Variants in PCDHA11 observed in about 807,000 individuals in gnomAD.
PCDHA11 encodes protocadherin alpha 11.
A neutral mutation model predicts 70.3 loss-of-function variants in PCDHA11; 61 were observed. The ratio of observed to expected loss-of-function variants is 0.87; its 90% CI spans 0.71 to 1.07. The LOEUF is 1.07. Among genes scored for constraint, PCDHA11 ranks in the 50% least tolerant of loss-of-function variants. The pLI is 0.00. For synonymous variants in PCDHA11, 633 were observed against 555.1 expected, an observed-to-expected ratio of 1.14 and a Z score of -1.97; for missense variants, 1,324 against 1,237.5, an observed-to-expected ratio of 1.07 and a Z score of -1.05.
At chr5:140,914,488 G>T (rs1437401245) in intron 1 of PCDHA11, among the ~76,000 whole-genome samples, 1 of 152,080 alleles carries the variant, frequency 6.6e-6, no homozygotes, top group Non-Finnish European at 1.5e-5. Flanking sequence ...AGTGTTTCTT[G>T]TGGGCAACAG....
chr5:140,916,143 T>C (rs1237563249), intron 1 of PCDHA11, among the ~76,000 whole-genome samples: 3 of 152,012 alleles, frequency 2.0e-5, no homozygotes, highest in African/African-American at 7.2e-5. Flanking sequence ...GCTGTTCAGT[T>C]GTGTTGTGGT....
chr5:140,969,225 C>G (rs782766938), intron 1 of PCDHA11: 13 of 1,614,118 alleles, frequency 8.1e-6, no homozygotes, highest in Admixed American at 1.7e-5. Flanking sequence ...CCAGGGCCTT[C>G]GGGAGCCCAA....
chr5:140,978,978 C>T lies in PCDHA11; in HGVS notation c.2421C>T (p.Tyr807=). Residue 807 remains tyrosine (Y), a synonymous_variant, in exon 2 of 4, where the codon TAC becomes TAT. Coordinates refer to ENST00000398640, the MANE Select transcript of PCDHA11 (RefSeq NM_018902.5). ...QPRQPNPDWR[Y]SASLRAGMHS... ...GACAGCCCAACCCTGACTGGCGTTA[C>T]TCTGCCTCCCTGAGAGCAGGCATGC... 1 of 1,614,204 alleles carries T rather than the reference C, an allele frequency of 6.2e-7. No homozygotes were observed. The highest frequency in any genetic ancestry group is 8.5e-7 in the Non-Finnish European group (1 of 1,180,030).
intron 1 of PCDHA11, among the ~76,000 whole-genome samples, chr5:140,946,909 C>G (rs1290458457): frequency 6.6e-6 from 1 of 151,234 alleles, no homozygotes; most frequent in Non-Finnish European, 1.5e-5. Flanking sequence ...AGAATAAGTT[C>G]TGGTGTTTTA....
intron 1 of PCDHA11, chr5:140,968,722 T>A (rs1379540261): frequency 6.2e-7 from 1 of 1,613,728 alleles, no homozygotes; most frequent in Non-Finnish European, 8.5e-7. Context: ...GAGATGAGAG[T>A]GGTAGCACTT....
chr5:140,955,156 G>A (rs556311036), intron 1 of PCDHA11, among the ~76,000 whole-genome samples: 25 of 152,262 alleles, frequency 1.6e-4, no homozygotes, highest in East Asian at 3.9e-4. Context: ...TACCAGTACC[G>A]TGCTGTTTTG....
chr5:140,989,242 C>T (rs562894633), intron 3 of PCDHA11, among the ~76,000 whole-genome samples: 5 of 152,226 alleles, frequency 3.3e-5, no homozygotes, highest in African/African-American at 1.2e-4. Flanking sequence ...GTTTTAAGCC[C>T]CTTGTCAAAA....
intron 1 of PCDHA11, among the ~76,000 whole-genome samples, chr5:140,961,831 T>G (rs1447917023): frequency 6.6e-6 from 1 of 152,194 alleles, no homozygotes; most frequent in African/African-American, 2.4e-5. Flanking sequence ...TGTAAGTTAT[T>G]TCAGTGCCTT....
chr5:141,004,092 C>T (rs1245515449), intron 3 of PCDHA11, among the ~76,000 whole-genome samples: 1 of 152,198 alleles, frequency 6.6e-6, no homozygotes, highest in Non-Finnish European at 1.5e-5. Context: ...TGTGCTTCTT[C>T]CGTTTTCATC....
At chr5:140,914,962 T>C (rs1301307235) in intron 1 of PCDHA11, among the ~76,000 whole-genome samples, 2 of 136,964 alleles carry the variant, frequency 1.5e-5, no homozygotes, top group Non-Finnish European at 3.2e-5. Flanking sequence ...TTTTTTTTTT[T>C]CTGAGTCAGA....
intron 1 of PCDHA11, among the ~76,000 whole-genome samples, chr5:140,930,773 TA>T (rs1192170091): frequency 6.6e-6 from 1 of 152,226 alleles, no homozygotes; most frequent in East Asian, 1.9e-4. Flanking sequence ...CTGTACTTAA[TA>T]TTTTCACAAT....
At chr5:140,939,593 T>C (rs1554212802) in intron 1 of PCDHA11, among the ~76,000 whole-genome samples, 1 of 152,198 alleles carries the variant, frequency 6.6e-6, no homozygotes, top group African/African-American at 2.4e-5. Flanking sequence ...TAACATACCT[T>C]GCTCAAAAAC....
intron 1 of PCDHA11, chr5:140,884,510 T>C: frequency 3.1e-6 from 5 of 1,613,982 alleles, no homozygotes; most frequent in Non-Finnish European, 3.4e-6. Context: ...GGCAGGGAGT[T>C]GGTCGTACTC....
chr5:140,871,372 G>A lies in PCDHA11; in HGVS notation c.2269G>A (p.Val757Met). 7 of 1,614,234 alleles carry A rather than the reference G, an allele frequency of 4.3e-6. No homozygotes were observed. The highest frequency in any genetic ancestry group is 5.9e-6 in the Non-Finnish European group (7 of 1,180,036). The change falls in exon 1 of 4, where the codon GTG becomes ATG. Residue 757 changes from valine to methionine, a missense_variant. Val to Met is a conservative substitution (Grantham distance 21). Coordinates refer to ENST00000398640, the MANE Select transcript of PCDHA11 (RefSeq NM_018902.5). Reference sequence around the variant, plus strand: ...ATACTCGCAGCAGAGGCGGCAGAGGGTGTGCTCTGAGGAGGGCCCACCTAA... The same window carrying A: ...ATACTCGCAGCAGAGGCGGCAGAGGATGTGCTCTGAGGAGGGCCCACCTAA... ...WSYSQQRRQR[V>M]CSEEGPPKTD...
chr5:140,872,286 G>C (rs145153656), intron 1 of PCDHA11, among the ~76,000 whole-genome samples: 7 of 151,974 alleles, frequency 4.6e-5, no homozygotes, highest in Admixed American at 1.3e-4. Flanking sequence ...AAAAAGTTAA[G>C]CCTTGCATTC....
At chr5:140,927,265 C>T in intron 1 of PCDHA11, 1 of 1,614,168 alleles carries the variant, frequency 6.2e-7, no homozygotes. Context: ...ACCTCTCTTT[C>T]CTGCCGGCGA....
At chr5:140,882,909 C>A in intron 1 of PCDHA11, 2 of 1,614,172 alleles carry the variant, frequency 1.2e-6, no homozygotes, top group Non-Finnish European at 1.7e-6. Context: ...TTACTGACAG[C>A]CAGTGATGGA....
chr5:140,948,889 AT>A (rs1263260325), intron 1 of PCDHA11, among the ~76,000 whole-genome samples: 2 of 151,468 alleles, frequency 1.3e-5, no homozygotes, highest in Non-Finnish European at 3.0e-5. Flanking sequence ...TCTCTTTTAG[AT>A]TTTAAGTGGA....
At chr5:141,000,415 ATATATATTTTTT>A (rs1251582263) in intron 3 of PCDHA11, among the ~76,000 whole-genome samples, 1 of 87,388 alleles carries the variant, frequency 1.1e-5, no homozygotes, top group East Asian at 3.4e-4. Context: ...ATATATATAT[ATATATATTTTTT>A]TTTTTTTTTT....
Sources: gnomAD v4.1 joint callset for allele counts (sites outside exome capture counted in the v4.1 genomes callset) on GRCh38, gnomAD v4.1.1 for gene constraint, MANE v1.5 for transcripts, NCBI Gene and HGNC (gene_info 2026-07-23, HGNC 2026-07-21) for gene names.